The following GLI3 variants were observed in gnomAD, a reference collection of about 807,000 sequenced individuals.
The protein encoded by GLI3 is GLI family zinc finger 3.
A neutral mutation model predicts 100.8 loss-of-function variants in GLI3; 20 were observed. That is an observed-to-expected ratio of 0.20 (90% CI 0.14 to 0.29). GLI3 has a LOEUF of 0.29. Ranked by LOEUF, GLI3 falls within the 10% of genes least tolerant of loss-of-function variation. The pLI is 1.00. For synonymous variants in GLI3, 938 were observed against 860.5 expected (o/e 1.09, Z -1.58); for missense variants, 2,040 against 2,128.5 (o/e 0.96, Z 0.82).
chr7:42,195,189 C>T (rs918796457), intron 2 of GLI3, among the ~76,000 whole-genome samples: 8 of 152,168 alleles, frequency 5.3e-5, no homozygotes, highest in Non-Finnish European at 1.0e-4. Context: ...GCCCCACTAA[C>T]CTATTACATA....
At chr7:42,253,941 C>T (rs369837715) in intron 1 of GLI3, among the ~76,000 whole-genome samples, 34 of 152,194 alleles carry the variant, frequency 2.2e-4, no homozygotes, top group East Asian at 1.9e-3. Context: ...AGCAATGGGC[C>T]GGACATGATG....
intron 7 of GLI3, among the ~76,000 whole-genome samples, chr7:42,034,048 T>C (rs193184115): frequency 5.9e-5 from 9 of 152,288 alleles, no homozygotes; most frequent in East Asian, 1.9e-4. Context: ...AGCAGCCAAA[T>C]AGATATGACC....
At chr7:42,055,669 C>T (rs534248386) in intron 4 of GLI3, among the ~76,000 whole-genome samples, 1 of 152,296 alleles carries the variant, frequency 6.6e-6, no homozygotes, top group African/African-American at 2.4e-5. Context: ...CCCACTCCAT[C>T]AGCCCCCAGG....
chr7:41,967,553 A>C (rs1787219163), intron 14 of GLI3, 43 bp downstream of exon 14: 1 of 1,439,006 alleles, frequency 6.9e-7, no homozygotes, highest in Admixed American at 1.8e-5. Flanking sequence ...AAAGAACAGA[A>C]AAAAAAACCC....
chr7:42,179,320 T>G (rs528746600), intron 2 of GLI3, among the ~76,000 whole-genome samples: 1 of 152,166 alleles, frequency 6.6e-6, no homozygotes, highest in Non-Finnish European at 1.5e-5. Flanking sequence ...GGTATGTCTG[T>G]ATTGGCAGCG....
chr7:42,182,658 A>ATATATACACGTGTG (rs1554337022), intron 2 of GLI3, among the ~76,000 whole-genome samples: 1 of 56,052 alleles, frequency 1.8e-5, no homozygotes, highest in African/African-American at 1.0e-4. Context: ...ATATATATAT[A>ATATATACACGTGTG]TATATATATA....
At position 42,145,336 on chromosome 7, in the gene GLI3, G is replaced by C. The variant is rs149767953; in HGVS notation, c.367+2890C>G. ...TACTATATCTTTTATGTTCCTGCAT[G>C]TATTAAAGTTTGCATTTGTTACATA... is the stretch of plus-strand genomic sequence containing the variant. On this transcript the variant is annotated intron_variant, in intron 3 of 14. Transcript: ENST00000395925. 328 of 384,390 alleles carry C rather than the reference G, an allele frequency of 8.5e-4. 1 individual carries two copies. The highest frequency in any genetic ancestry group is 6.2e-3 in the African/African-American group (301 of 48,468). 23.8% of individuals were successfully genotyped at this position (384,390 alleles called of 1,614,324 possible). A position where few individuals can be genotyped will look rare whatever the true frequency, so the allele number is the denominator to read the frequency against.
At chr7:41,982,876 C>T (rs1052566994) in intron 10 of GLI3, among the ~76,000 whole-genome samples, 1 of 152,094 alleles carries the variant, frequency 6.6e-6, no homozygotes, top group African/African-American at 2.4e-5. Flanking sequence ...CCTTACTTTT[C>T]TCATCTGTAA....
intron 10 of GLI3, among the ~76,000 whole-genome samples, chr7:42,008,700 T>C (rs2128724610): frequency 6.6e-6 from 1 of 152,342 alleles, no homozygotes; most frequent in East Asian, 1.9e-4. Context: ...GAAAGTGGAG[T>C]GCCAGACTAA....
At chr7:42,056,281 A>G (rs1784459424) in intron 4 of GLI3, among the ~76,000 whole-genome samples, 1 of 152,198 alleles carries the variant, frequency 6.6e-6, no homozygotes, top group Non-Finnish European at 1.5e-5. Flanking sequence ...AGCATGATAC[A>G]TGGTTGCATG....
chr7:42,200,562 G>A (rs879931805), intron 2 of GLI3, among the ~76,000 whole-genome samples: 3 of 152,144 alleles, frequency 2.0e-5, no homozygotes, highest in Non-Finnish European at 2.9e-5. Flanking sequence ...TGAAGTGATG[G>A]GGAGGCAGAT....
At position 41,966,193 on chromosome 7, in the gene GLI3, G is replaced by C; in HGVS notation, c.2880C>G (p.Leu960=). Residue 960 remains leucine (L), a synonymous_variant, in exon 15 of 15, where the codon CTC becomes CTG. Transcript: ENST00000395925. The surrounding 1 kb of genome is among the most constrained non-coding windows in gnomAD (Gnocchi z 5.8). ...CCACGCCAGGCTCGAGGGCATCCCC[G>C]AGCAGCGCCAGGCGCGTCTTCAGGC... The part of the protein sequence containing the change: ...RMSLKTRLAL[L]GDALEPGVAL... 2 of 1,605,370 alleles carry C rather than the reference G, an allele frequency of 1.2e-6. No homozygotes were observed. The highest frequency in any genetic ancestry group is 1.7e-6 in the Non-Finnish European group (2 of 1,178,056).
chr7:42,212,811 A>C (rs1374874025), intron 2 of GLI3, among the ~76,000 whole-genome samples: 1 of 152,224 alleles, frequency 6.6e-6, no homozygotes, highest in Admixed American at 6.5e-5. Flanking sequence ...ACCTAGGAAT[A>C]CAATTCACTG....
chr7:41,988,017 T>C lies in GLI3; in HGVS notation c.1498-9269A>G, dbSNP rs187449528. ...GAGAAGAGTTTCTAAGAAGTAAATA[T>C]TCATAATATTGGTTGATGTTATTTA... On this transcript the variant is annotated intron_variant, in intron 10 of 14. Coordinates refer to ENST00000395925, the MANE Select transcript of GLI3 (RefSeq NM_000168.6). Among the ~76,000 whole-genome samples the C allele has an allele frequency of 1.3e-4, 20 of 152,352 alleles. 1 individual carries two copies. Among genetic ancestry groups the C allele is most frequent in the Admixed American group, 1.3e-3 (20 of 15,306 alleles).
chr7:42,171,011 C>T (rs1787362230), intron 2 of GLI3, among the ~76,000 whole-genome samples: 1 of 152,116 alleles, frequency 6.6e-6, no homozygotes. Flanking sequence ...TTATAGGGTT[C>T]TATAACAATT....
chr7:42,149,174 G>A (rs1786795300), intron 2 of GLI3, among the ~76,000 whole-genome samples: 1 of 152,212 alleles, frequency 6.6e-6, no homozygotes, highest in Non-Finnish European at 1.5e-5. Flanking sequence ...TGAGACCTAA[G>A]AGGAACACAG....
intron 1 of GLI3, among the ~76,000 whole-genome samples, chr7:42,254,499 A>C (rs1789066238): frequency 6.6e-6 from 1 of 152,208 alleles, no homozygotes; most frequent in Non-Finnish European, 1.5e-5. Context: ...GAGCATTTAA[A>C]TGTGTCATGG....
At chr7:42,054,557 G>A (rs570660695) in intron 4 of GLI3, among the ~76,000 whole-genome samples, 1 of 152,216 alleles carries the variant, frequency 6.6e-6, no homozygotes, top group South Asian at 2.1e-4. Flanking sequence ...AATATAACAA[G>A]TAGACATCCT....
chr7:41,968,065 G>A, intron 13 of GLI3, 142 bp from the exon 14 acceptor site: 1 of 784,982 alleles, frequency 1.3e-6, no homozygotes, highest in Non-Finnish European at 2.2e-6. Context: ...CTGGTGAATG[G>A]AGCTGGCCAC....
Sources: gnomAD v4.1 joint callset for allele counts (sites outside exome capture counted in the v4.1 genomes callset) on GRCh38, gnomAD v4.1.1 for gene constraint, Gnocchi (gnomAD v3.1) non-coding constraint, MANE v1.5 for transcripts, NCBI Gene and HGNC (gene_info 2026-07-23, HGNC 2026-07-21) for gene names.